The following NKAIN3 variants were observed in gnomAD, a reference collection of about 807,000 sequenced individuals.
NKAIN3 encodes sodium/potassium-transporting ATPase subunit beta-1-interacting protein 3.
NKAIN3 carries 25 observed loss-of-function variants against 30.2 expected under a neutral mutation model. The observed-to-expected ratio is 0.83, with a 90% CI of 0.60 to 1.16. The LOEUF is 1.16. NKAIN3 is among the 50% of genes most tolerant of loss of function. The pLI, the probability that NKAIN3 is intolerant of heterozygous loss-of-function variation, is 0.00. For synonymous variants in NKAIN3, 91 were observed against 89.6 expected, an observed-to-expected ratio of 1.02 and a Z score of -0.09; for missense variants, 225 against 254.1, an observed-to-expected ratio of 0.89 and a Z score of 0.78.
At chr8:62,263,971 C>T (rs1304694468) in intron 1 of NKAIN3, among the ~76,000 whole-genome samples, 1 of 152,120 alleles carries the variant, frequency 6.6e-6, no homozygotes, top group Non-Finnish European at 1.5e-5. Context: ...TTTTCTTAAG[C>T]TGTAAATATT....
intron 1 of NKAIN3, among the ~76,000 whole-genome samples, chr8:62,301,576 T>G (rs577723266): frequency 6.8e-4 from 103 of 152,192 alleles, no homozygotes; most frequent in Non-Finnish European, 4.0e-4. Context: ...TTCAGTTAGG[T>G]TACAATTCAC....
At chr8:62,859,184 C>T (rs938938290) in intron 4 of NKAIN3, among the ~76,000 whole-genome samples, 3 of 152,062 alleles carry the variant, frequency 2.0e-5, no homozygotes, top group Admixed American at 2.0e-4. Flanking sequence ...ATGGGGGTTC[C>T]CTTGGCCCTG....
intron 3 of NKAIN3, among the ~76,000 whole-genome samples, chr8:62,688,117 A>T (rs1001008816): frequency 6.6e-6 from 1 of 152,194 alleles, no homozygotes; most frequent in African/African-American, 2.4e-5. Flanking sequence ...CAGATTCCAT[A>T]ATTTCAGTGA....
rs1217794483 is a variant in NKAIN3, at chr8:62,468,260, A to G, written c.55-111279A>G. On this transcript the variant is annotated intron_variant, in intron 1 of 6. Transcript: ENST00000623646. ...ATAAATATAAACAGAAATTAGGATCATGAAAATAGAAGGGAAAATACACTA... is the reference window on the plus strand; with the variant it reads ...ATAAATATAAACAGAAATTAGGATCGTGAAAATAGAAGGGAAAATACACTA... 7.2e-5 allele frequency among the ~76,000 whole-genome samples: 11 copies of G among 152,232 alleles called. No individual in the cohort carries two copies. The East Asian group carries it at 1.9e-3, about 27-fold the overall frequency.
intron 4 of NKAIN3, among the ~76,000 whole-genome samples, chr8:62,815,500 C>T (rs1818645794): frequency 6.6e-6 from 1 of 152,124 alleles, no homozygotes; most frequent in African/African-American, 2.4e-5. Flanking sequence ...AATCCAGCAG[C>T]ACATTAAAAA....
At chr8:62,806,034 CA>C (rs576081859) in intron 4 of NKAIN3, among the ~76,000 whole-genome samples, 2 of 151,756 alleles carry the variant, frequency 1.3e-5, no homozygotes, top group East Asian at 1.9e-4. Flanking sequence ...TTTATGCAGC[CA>C]AAAAAACACA....
At chr8:62,550,927 C>CT (rs1182270398) in intron 1 of NKAIN3, among the ~76,000 whole-genome samples, 5 of 152,102 alleles carry the variant, frequency 3.3e-5, no homozygotes, top group Non-Finnish European at 7.4e-5. Context: ...GCCAAGAGGT[C>CT]CTGAGATCAC....
At chr8:62,958,598 C>T (rs1173363113) in intron 6 of NKAIN3, among the ~76,000 whole-genome samples, 2 of 152,122 alleles carry the variant, frequency 1.3e-5, no homozygotes, top group African/African-American at 2.4e-5. Flanking sequence ...GCAGCAGTAA[C>T]ACCAGGAGAA....
At chr8:62,805,328 G>A (rs1215406581) in intron 4 of NKAIN3, among the ~76,000 whole-genome samples, 1 of 151,714 alleles carries the variant, frequency 6.6e-6, no homozygotes, top group African/African-American at 2.4e-5. Context: ...AACCAAAAAA[G>A]AGCCCGCATT....
In NKAIN3 at chr8:62,657,799, T is replaced by C. The variant is rs1038120337; in HGVS notation, c.273+68005T>C. ...ATAGGAACTCTGAAGTCTATTCTGG[T>C]TTTTGCTCTTTTCTGAATGACCTTG... On this transcript the variant is annotated intron_variant, in intron 3 of 6. Coordinates refer to ENST00000623646, the MANE Select transcript of NKAIN3 (RefSeq NM_001304533.3). Among the ~76,000 whole-genome samples, 13 of 152,278 alleles carry C rather than the reference T, an allele frequency of 8.5e-5. No homozygotes were observed. The East Asian group carries it at 2.5e-3, about 29-fold the overall frequency.
intron 1 of NKAIN3, among the ~76,000 whole-genome samples, chr8:62,412,442 G>T (rs1804270021): frequency 6.6e-6 from 1 of 152,022 alleles, no homozygotes; most frequent in Non-Finnish European, 1.5e-5. Context: ...AACTCGAAAT[G>T]GATCAAATAT....
intron 3 of NKAIN3, among the ~76,000 whole-genome samples, chr8:62,723,698 T>G (rs1815166612): frequency 6.6e-6 from 1 of 152,166 alleles, no homozygotes; most frequent in South Asian, 2.1e-4. Flanking sequence ...CATAGAATAC[T>G]TAAAGCATCC....
intron 1 of NKAIN3, among the ~76,000 whole-genome samples, chr8:62,449,500 A>T (rs985114122): frequency 6.6e-6 from 1 of 152,098 alleles, no homozygotes; most frequent in Non-Finnish European, 1.5e-5. Context: ...ATAGCTAAAT[A>T]TAAGTGTAAT....
At chr8:62,412,297 GACAA>G (rs930802873) in intron 1 of NKAIN3, among the ~76,000 whole-genome samples, 1 of 144,490 alleles carries the variant, frequency 6.9e-6, no homozygotes, top group Non-Finnish European at 1.5e-5. Flanking sequence ...CAATAATGCT[GACAA>G]ACAAAAACAA....
chr8:62,827,788 A>G (rs889261339), intron 4 of NKAIN3, among the ~76,000 whole-genome samples: 1 of 152,208 alleles, frequency 6.6e-6, no homozygotes, highest in Non-Finnish European at 1.5e-5. Flanking sequence ...AATTTCTAAT[A>G]ATTAACATTA....
intron 4 of NKAIN3, among the ~76,000 whole-genome samples, chr8:62,818,695 A>T (rs1818762699): frequency 6.6e-6 from 1 of 152,136 alleles, no homozygotes; most frequent in African/African-American, 2.4e-5. Flanking sequence ...AGGAAAAAAC[A>T]TGTAAGCAGC....
At chr8:62,879,614 C>T (rs1398993126) in intron 4 of NKAIN3, among the ~76,000 whole-genome samples, 1 of 152,228 alleles carries the variant, frequency 6.6e-6, no homozygotes, top group East Asian at 1.9e-4. Context: ...GCACAGCTGT[C>T]TATGGGTGGG....
chr8:62,545,450 T>A (rs1171710931), intron 1 of NKAIN3, among the ~76,000 whole-genome samples: 1 of 151,980 alleles, frequency 6.6e-6, no homozygotes. Flanking sequence ...GCAGGGTGTG[T>A]CCCAGCTACT....
intron 5 of NKAIN3, among the ~76,000 whole-genome samples, chr8:62,992,322 T>C (rs1225704669): frequency 3.3e-5 from 5 of 152,086 alleles, no homozygotes; most frequent in Admixed American, 6.5e-5. Flanking sequence ...ACTTCTCTTT[T>C]ATTCTTTACT....
Sources: allele counts gnomAD v4.1 joint callset (sites outside exome capture counted in the v4.1 genomes callset), GRCh38; gene constraint gnomAD v4.1.1; transcripts MANE v1.5; gene names NCBI Gene and HGNC (gene_info 2026-07-23, HGNC 2026-07-21).